The following BPIFC variants were observed in gnomAD, a reference collection of about 807,000 sequenced individuals.
BPIFC encodes the protein BPI fold-containing family C protein.
BPIFC carries 60 observed loss-of-function variants against 57.6 expected under a neutral mutation model. That is an observed-to-expected ratio of 1.04 (90% CI 0.85 to 1.29). The LOEUF (loss-of-function observed/expected upper bound fraction) is 1.29, where lower values mean the gene tolerates loss of function less well. Ranked by LOEUF, BPIFC falls within the 50% of genes most tolerant of loss-of-function variation. The pLI, the probability that BPIFC is intolerant of heterozygous loss-of-function variation, is 0.00. For missense variants in BPIFC, 581 were observed against 600.5 expected, an observed-to-expected ratio of 0.97 and a Z score of 0.34; for synonymous variants, 243 against 224.5, an observed-to-expected ratio of 1.08 and a Z score of -0.74.
At chr22:32,453,338 CTT>C (rs753371844) in intron 4 of BPIFC, 43 bp downstream of exon 4, 189 of 1,391,760 alleles carry the variant, frequency 1.4e-4, no homozygotes, top group Non-Finnish European at 1.8e-4. Flanking sequence ...CCACTGTTTC[CTT>C]TGAGCTTCTT....
At chr22:32,450,186 T>C (rs1196258820) in intron 4 of BPIFC, among the ~76,000 whole-genome samples, 1 of 152,132 alleles carries the variant, frequency 6.6e-6, no homozygotes, top group Non-Finnish European at 1.5e-5. Flanking sequence ...TTATATACTG[T>C]ATTTTTACTG....
chr22:32,430,129 A>G (rs1034891427), intron 13 of BPIFC, among the ~76,000 whole-genome samples: 1 of 152,202 alleles, frequency 6.6e-6, no homozygotes, highest in East Asian at 1.9e-4. Context: ...CGTGTGTCAC[A>G]TGCATTTGAC....
intron 10 of BPIFC, 67 bp downstream of exon 10, chr22:32,435,637 A>G (rs189299956): frequency 1.5e-3 from 2,243 of 1,503,984 alleles, no homozygotes; most frequent in Non-Finnish European, 1.8e-3. Context: ...TAAAAGTTCT[A>G]CAATAGGATA....
chr22:32,448,161 T>C (rs1451435339), intron 4 of BPIFC, among the ~76,000 whole-genome samples: 1 of 151,880 alleles, frequency 6.6e-6, no homozygotes, highest in Admixed American at 6.6e-5. Context: ...CTCCGCCTCC[T>C]GGGTTCAAGG....
chr22:32,432,664 G>A (rs1934283228), intron 11 of BPIFC, 121 bp from the exon 12 acceptor site: 1 of 952,932 alleles, frequency 1.0e-6, no homozygotes, highest in Non-Finnish European at 1.5e-6. Context: ...TAGAAAAAAA[G>A]CTCTTTAATA....
At position 32,431,352 on chromosome 22, in the gene BPIFC, C is replaced by G; in HGVS notation, c.1212G>C (p.Leu404=). The G allele has an allele frequency of 1.2e-6, 2 of 1,611,280 alleles. No individual in the cohort carries two copies. Among genetic ancestry groups the G allele is most frequent in the Non-Finnish European group, 1.7e-6 (2 of 1,177,788 alleles). Residue 404 remains leucine, a synonymous_variant, in exon 13 of 17, where the codon CTG becomes CTC. Transcript: ENST00000300399. ...GTCAAATTGATTGATCTTACCTGTT[C>G]AGAGACAAGGAGCAGACCAGTCTTT... ...LGQRLVCSLS[L]NRFRLALPES...
intron 16 of BPIFC, 37 bp from the exon 17 acceptor site, chr22:32,414,462 T>C (rs765514369): frequency 1.9e-6 from 3 of 1,608,024 alleles, no homozygotes; most frequent in South Asian, 1.1e-5. Flanking sequence ...ACGTCAAAAC[T>C]TGGGCATGTC....
At chr22:32,425,371 G>A (rs911321994) in intron 13 of BPIFC, among the ~76,000 whole-genome samples, 3 of 152,116 alleles carry the variant, frequency 2.0e-5, no homozygotes, top group African/African-American at 7.2e-5. Flanking sequence ...GAGGTGTTGG[G>A]CTTGGCACAG....
chr22:32,459,352 G>GA (rs1364597626), intron 2 of BPIFC, among the ~76,000 whole-genome samples: 1 of 151,992 alleles, frequency 6.6e-6, no homozygotes, highest in Non-Finnish European at 1.5e-5. Context: ...AACATGGCAG[G>GA]ACCCCATCTC....
chr22:32,414,781 G>A (rs1345220431), intron 16 of BPIFC, among the ~76,000 whole-genome samples: 1 of 152,170 alleles, frequency 6.6e-6, no homozygotes, highest in Non-Finnish European at 1.5e-5. Flanking sequence ...TTACAAGCAT[G>A]AGCCACCATG....
chr22:32,431,865 G>A, intron 12 of BPIFC, among the ~76,000 whole-genome samples: 1 of 152,222 alleles, frequency 6.6e-6, no homozygotes, highest in East Asian at 1.9e-4. Context: ...ATGAAGTAGA[G>A]ACTGGAGAGA....
chr22:32,445,337 A>G (rs2145949557), intron 7 of BPIFC, among the ~76,000 whole-genome samples: 1 of 152,244 alleles, frequency 6.6e-6, no homozygotes, highest in Admixed American at 6.5e-5. Flanking sequence ...GGAGATCAAG[A>G]CCATCCCGGC....
chr22:32,425,738 A>G (rs1158736406), intron 13 of BPIFC, among the ~76,000 whole-genome samples: 1 of 152,190 alleles, frequency 6.6e-6, no homozygotes, highest in Non-Finnish European at 1.5e-5. Flanking sequence ...ACAGTGCACA[A>G]TAATGGTCAA....
At chr22:32,414,526 T>G (rs1483932672) in intron 16 of BPIFC, 101 bp from the exon 17 acceptor site, 1 of 1,415,540 alleles carries the variant, frequency 7.1e-7, no homozygotes, top group African/African-American at 1.5e-5. Context: ...ATTATTTTAA[T>G]TTTGAGATGG....
intron 9 of BPIFC, among the ~76,000 whole-genome samples, chr22:32,437,536 G>A (rs1480115574): frequency 6.6e-6 from 1 of 152,128 alleles, no homozygotes; most frequent in Non-Finnish European, 1.5e-5. Context: ...GAATGCAGCT[G>A]TGTGCCACCA....
intron 13 of BPIFC, among the ~76,000 whole-genome samples, chr22:32,424,648 T>C (rs1297451509): frequency 0.019 from 819 of 44,136 alleles, 153 homozygotes; most frequent in East Asian, 0.17. Context: ...TCTTCTCTTC[T>C]TCTTCTTCTT....
At chr22:32,461,138 T>C (rs1284647379) in intron 2 of BPIFC, among the ~76,000 whole-genome samples, 3 of 151,948 alleles carry the variant, frequency 2.0e-5, no homozygotes, top group East Asian at 1.9e-4. Context: ...GCCAGAGTAG[T>C]TGGGGGCACT....
rs966715421 is a variant in BPIFC, at chr22:32,414,348, A to G, written c.1479T>C (p.Gly493=). Residue 493 remains glycine, a synonymous_variant, in exon 17 of 17, where the codon GGT becomes GGC. Transcript: ENST00000300399. ...TCCACTGTCTGCTTATCAGGTTCAGACCTTCCCATACGTGGAAACTTGGCT... is the reference window on the plus strand; with the variant it reads ...TCCACTGTCTGCTTATCAGGTTCAGGCCTTCCCATACGTGGAAACTTGGCT... ...KQQPSFHVWE[G]LNLISRQWRG... 1 of 1,613,770 alleles carries G rather than the reference A, an allele frequency of 6.2e-7. No individual in the cohort carries two copies. The highest frequency in any genetic ancestry group is 8.5e-7 in the Non-Finnish European group (1 of 1,179,892).
At chr22:32,460,836 G>C (rs1216974484) in intron 2 of BPIFC, among the ~76,000 whole-genome samples, 1 of 152,328 alleles carries the variant, frequency 6.6e-6, no homozygotes, top group East Asian at 1.9e-4. Context: ...GTGCCTGAAG[G>C]CAGAGACTGC....
Sources: allele counts gnomAD v4.1 joint callset (sites outside exome capture counted in the v4.1 genomes callset), GRCh38; gene constraint gnomAD v4.1.1; transcripts MANE v1.5; gene names NCBI Gene and HGNC (gene_info 2026-07-23, HGNC 2026-07-21).